Variants in SLC38A8 observed in about 807,000 individuals in gnomAD.
SLC38A8 encodes solute carrier family 38 member 8.
Under a neutral mutation model 46.0 loss-of-function variants are expected in SLC38A8, and 65 were observed. That is an observed-to-expected ratio of 1.41 (90% CI 1.16 to 1.74). The LOEUF is 1.74. Among genes scored for constraint, SLC38A8 ranks in the 40% most tolerant of loss-of-function variants. SLC38A8 has a pLI of 0.00. For synonymous variants in SLC38A8, 447 were observed against 243.7 expected (o/e 1.83, Z -7.77); for missense variants, 998 against 567.9 (o/e 1.76, Z -7.70).
At chr16:84,011,504 G>C (rs1234613387) in intron 10 of SLC38A8, among the ~76,000 whole-genome samples, 1 of 152,182 alleles carries the variant, frequency 6.6e-6, no homozygotes, top group Non-Finnish European at 1.5e-5. Flanking sequence ...CGGGGGTATA[G>C]GGGAACAGAC....
chr16:84,017,926 C>T (rs1344402597), intron 7 of SLC38A8, among the ~76,000 whole-genome samples: 4 of 152,186 alleles, frequency 2.6e-5, no homozygotes, highest in Non-Finnish European at 5.9e-5. Context: ...ATCACTGAGT[C>T]ACACCCTCTG....
chr16:84,036,989 G>A (rs2085308054), intron 2 of SLC38A8, 89 bp from the exon 3 acceptor site: 8 of 1,329,540 alleles, frequency 6.0e-6, no homozygotes, highest in South Asian at 1.3e-5. Flanking sequence ...CTCTCCACAT[G>A]GCTTCTCATC....
At chr16:84,029,673 T>A in intron 5 of SLC38A8, 122 bp from the exon 6 acceptor site, 1 of 973,196 alleles carries the variant, frequency 1.0e-6, no homozygotes, top group Non-Finnish European at 1.6e-6. Context: ...GCAAGATGTA[T>A]TTTTAATGAC....
Position 84,013,201 on chromosome 16 carries a change from A to G in SLC38A8, c.1163-149T>C, listed in dbSNP as rs565375069. ...CTCAGGCCCCCTGGAGAGGCAACACAGTGGAGCTGGAAGGACGGGGCTGGA... is the reference window on the plus strand; with the variant it reads ...CTCAGGCCCCCTGGAGAGGCAACACGGTGGAGCTGGAAGGACGGGGCTGGA... On this transcript the variant is annotated intron_variant, in intron 9 of 10. Transcript: ENST00000299709. The G allele has an allele frequency of 3.1e-5, 24 of 776,994 alleles. No individual in the cohort carries two copies. In the South Asian group the frequency reaches 4.0e-4, roughly 13 times the overall value. The allele number at this position is 776,994 out of a possible 1,614,324, so 48.1% of individuals were successfully genotyped here.
At chr16:84,029,457 C>G (rs752703980) in intron 6 of SLC38A8, 37 bp downstream of exon 6, 8 of 1,610,844 alleles carry the variant, frequency 5.0e-6, no homozygotes, top group East Asian at 2.2e-5. Context: ...ACAGCCTCTG[C>G]AAACGCCACA....
Position 84,016,641 on chromosome 16 carries a change from C to T in SLC38A8, c.1040G>A (p.Arg347Gln), listed in dbSNP as rs148191339. Residue 347 changes from arginine to glutamine, a missense_variant, in exon 9 of 11, where the codon CGG (arginine) becomes CAG (glutamine). Physicochemically the swap from Arg to Gln is conservative, Grantham distance 43. Coordinates refer to ENST00000299709, the MANE Select transcript of SLC38A8 (RefSeq NM_001080442.3). The stretch of plus-strand genomic sequence containing the variant: ...GACCCACAGGATGGTCAGCGGCATC[C>T]GGACCCACAGCCCTGAGGGGTCGGC... ...ALADPSGLWVRMPLTILWVTV... is the reference protein window; with the variant it reads ...ALADPSGLWVQMPLTILWVTV... The T allele has an allele frequency of 5.2e-5, 84 of 1,613,838 alleles. No individual in the cohort carries two copies. The highest frequency in any genetic ancestry group is 3.8e-4 in the East Asian group (17 of 44,890).
intron 3 of SLC38A8, among the ~76,000 whole-genome samples, chr16:84,034,989 C>A (rs58488568): frequency 6.6e-6 from 1 of 151,380 alleles, no homozygotes. Context: ...CAACCTCTAT[C>A]TAGCACTCCG....
In SLC38A8 at chr16:84,029,565, A is replaced by T. The variant is rs1567699356; in HGVS notation, c.633-14T>A. ...CAGGAGGCAGGGCTGTAAACAGACA[A>T]GAACAGGAGTTTATTAAAGAAGGGT... On this transcript the variant is annotated splice_polypyrimidine_tract_variant and intron_variant, in intron 5 of 10. Coordinates refer to ENST00000299709, the MANE Select transcript of SLC38A8 (RefSeq NM_001080442.3). 6.2e-7 allele frequency: 1 copy of T among 1,613,730 alleles called. No individual in the cohort carries two copies.
At chr16:84,024,486 G>A (rs1479203801) in intron 6 of SLC38A8, among the ~76,000 whole-genome samples, 2 of 151,804 alleles carry the variant, frequency 1.3e-5, no homozygotes, top group Non-Finnish European at 2.9e-5. Flanking sequence ...AGGGGGATAA[G>A]AATTTTAAAC....
Position 84,016,520 on chromosome 16 carries a change from T to A in SLC38A8, c.1161A>T (p.Pro387=), listed in dbSNP as rs2085027366. 1 of 1,613,518 alleles carries A rather than the reference T, an allele frequency of 6.2e-7. No individual in the cohort carries two copies. The highest frequency in any genetic ancestry group is 8.5e-7 in the Non-Finnish European group (1 of 1,179,632). ...AAGCCTGGAAAGCAGGGGCCTCACC[T>A]GGGAAGATGAAGATGAAGAAGGAAC... ...GISSFFIFIF[P]GLCLICAMGV... Residue 387 remains proline (P), a splice_region_variant and synonymous_variant, in exon 9 of 11, where the codon CCA becomes CCT. Transcript: ENST00000299709.
Position 84,009,756 on chromosome 16 carries a change from C to T in SLC38A8, c.*28G>A, listed in dbSNP as rs1171619103. On this transcript the variant is annotated 3_prime_UTR_variant, in exon 11 of 11. Transcript: ENST00000299709. ...CCACGTAGGGTCAGCCCCCGGAGGG[C>T]CCCTTCCTGCCCGGCACTAGCTGCC... The T allele has an allele frequency of 1.9e-6, 3 of 1,602,938 alleles. No individual in the cohort carries two copies. The highest frequency in any genetic ancestry group is 1.3e-5 in the African/African-American group (1 of 74,480).
chr16:84,022,735 A>G, intron 7 of SLC38A8, 40 bp downstream of exon 7: 1 of 1,523,496 alleles, frequency 6.6e-7, no homozygotes, highest in Non-Finnish European at 9.1e-7. Flanking sequence ...TTCTACTGTC[A>G]CTCCCCACCC....
chr16:84,015,435 G>T (rs952989999), intron 9 of SLC38A8, among the ~76,000 whole-genome samples: 1 of 151,954 alleles, frequency 6.6e-6, no homozygotes, highest in Non-Finnish European at 1.5e-5. Context: ...CATTTGCAGG[G>T]TGCCTTGAGC....
intron 6 of SLC38A8, among the ~76,000 whole-genome samples, chr16:84,027,336 C>A (rs1461487678): frequency 3.0e-5 from 4 of 131,378 alleles, no homozygotes; most frequent in Non-Finnish European, 6.1e-5. Context: ...GGCGACAGAG[C>A]AAGTCTGCCA....
rs1409513093 is a variant in SLC38A8 at position 84,033,380 on chromosome 16, C to G, written c.478G>C (p.Val160Leu). 6.8e-6 allele frequency: 11 copies of G among 1,614,002 alleles called. No individual in the cohort carries two copies. The highest frequency in any genetic ancestry group is 9.3e-6 in the Non-Finnish European group (11 of 1,179,962). The change falls in exon 4 of 11, where the codon GTC (valine) becomes CTC (leucine). Residue 160 changes from valine to leucine, a missense_variant. Coordinates refer to ENST00000299709, the MANE Select transcript of SLC38A8 (RefSeq NM_001080442.3). ...RFTLPLLSVL[V>L]ILPLSAPREI... Reference sequence around the variant, plus strand: ...CGCGGGGCAGACAGGGGCAGGATGACCAGCACGGAGAGCAGGGGCAGGGTG... The same window carrying G: ...CGCGGGGCAGACAGGGGCAGGATGAGCAGCACGGAGAGCAGGGGCAGGGTG...
In SLC38A8 at chr16:84,036,830, G is replaced by A; in HGVS notation, c.260C>T (p.Thr87Ile). The A allele has an allele frequency of 1.2e-6, 2 of 1,613,980 alleles. No individual in the cohort carries two copies. Among genetic ancestry groups the A allele is most frequent in the Non-Finnish European group, 1.7e-6 (2 of 1,180,018 alleles). Residue 87 changes from threonine (T) to isoleucine (I), a missense_variant, in exon 3 of 11, where the codon ACC (threonine) becomes ATC (isoleucine). By Grantham distance (89) the Thr-to-Ile change is moderately conservative. Coordinates refer to ENST00000299709, the MANE Select transcript of SLC38A8 (RefSeq NM_001080442.3). The part of the protein sequence containing the change: ...GYAAAVSGQA[T>I]YQGVVRGLCG... ...CAGCCCCCTGACCACACCCTGGTAGGTGGCCTGGCCACTGACAGCAGCAGC... is the reference window on the plus strand; with the variant it reads ...CAGCCCCCTGACCACACCCTGGTAGATGGCCTGGCCACTGACAGCAGCAGC...
intron 7 of SLC38A8, among the ~76,000 whole-genome samples, chr16:84,017,906 G>A (rs1400564538): frequency 2.0e-5 from 3 of 152,160 alleles, no homozygotes; most frequent in African/African-American, 7.2e-5. Flanking sequence ...ACATGTGGAG[G>A]TGATACTGAA....
intron 6 of SLC38A8, among the ~76,000 whole-genome samples, 171 bp from the exon 7 acceptor site, chr16:84,023,060 C>T (rs1275692184): frequency 2.0e-5 from 3 of 152,144 alleles, no homozygotes; most frequent in Non-Finnish European, 4.4e-5. Context: ...ACCCCTCTTT[C>T]CTTTTCTCCT....
At chr16:84,022,955 C>T (rs1206561065) in intron 6 of SLC38A8, 66 bp from the exon 7 acceptor site, 3 of 1,184,876 alleles carry the variant, frequency 2.5e-6, no homozygotes, top group Non-Finnish European at 3.5e-6. Flanking sequence ...CGAAAAAAAA[C>T]TCATATCCAA....
Sources: allele counts gnomAD v4.1 joint callset (sites outside exome capture counted in the v4.1 genomes callset), GRCh38; gene constraint gnomAD v4.1.1; transcripts MANE v1.5; gene names NCBI Gene and HGNC (gene_info 2026-07-23, HGNC 2026-07-21).